CNIH3: variants seen among roughly 807,000 people sequenced by gnomAD.
CNIH3 encodes cornichon family AMPA receptor auxiliary protein 3, also known as protein cornichon homolog 3.
CNIH3 carries 14 observed loss-of-function variants against 24.1 expected under a neutral mutation model. The observed-to-expected ratio is 0.58, with a 90% CI of 0.38 to 0.91. The LOEUF (loss-of-function observed/expected upper bound fraction) is 0.91, where lower values mean the gene tolerates loss of function less well. Among genes scored for constraint, CNIH3 ranks in the 40% least tolerant of loss-of-function variants. The pLI, the probability that CNIH3 is intolerant of heterozygous loss-of-function variation, is 0.00. For synonymous variants in CNIH3, 68 were observed against 73.8 expected, an observed-to-expected ratio of 0.92 and a Z score of 0.40; for missense variants, 178 against 196.8, an observed-to-expected ratio of 0.90 and a Z score of 0.57.
intron 1 of CNIH3, among the ~76,000 whole-genome samples, chr1:224,635,988 A>G (rs150075851): frequency 6.6e-6 from 1 of 152,328 alleles, no homozygotes; most frequent in East Asian, 1.9e-4. Context: ...CACTGGGATT[A>G]CTGCGTGAAC....
At chr1:224,675,565 A>G (rs1446391627) in intron 1 of CNIH3, among the ~76,000 whole-genome samples, 1 of 152,278 alleles carries the variant, frequency 6.6e-6, no homozygotes, top group Non-Finnish European at 1.5e-5. Flanking sequence ...TTTGCAAATT[A>G]CATATTTGAC....
rs140387280 is a variant in CNIH3, at chr1:224,739,574, G to A, written c.*218G>A. On this transcript the variant is annotated 3_prime_UTR_variant, in exon 6 of 6. Transcript: ENST00000272133. ...CCCTGTTTGTCAATCTTTGGCATTC[G>A]AATTCCACACACGGGGTCCTAGAGC... 36 of 827,774 alleles carry A rather than the reference G, an allele frequency of 4.3e-5. No individual in the cohort carries two copies. The South Asian group carries it at 4.4e-4, about 10-fold the overall frequency. The allele number at this position is 827,774 out of a possible 1,614,324, so 51.3% of individuals were successfully genotyped here.
At chr1:224,645,194 T>A (rs941182873) in intron 1 of CNIH3, among the ~76,000 whole-genome samples, 1 of 152,206 alleles carries the variant, frequency 6.6e-6, no homozygotes, top group Non-Finnish European at 1.5e-5. Flanking sequence ...CCCTACCGTG[T>A]TTGATCAGTT....
At chr1:224,521,099 G>A (rs183847370) in exon 2 of CNIH3, 38 of 152,272 alleles carry the variant, frequency 2.5e-4, no homozygotes, top group Non-Finnish European at 2.9e-4. Flanking sequence ...AGGACAGCAA[G>A]TGGGCTGTCT....
At chr1:224,619,533 A>G (rs988505233) in intron 1 of CNIH3, among the ~76,000 whole-genome samples, 1 of 152,090 alleles carries the variant, frequency 6.6e-6, no homozygotes, top group African/African-American at 2.4e-5. Context: ...CCTCTCTCCA[A>G]ATCAAACAAC....
At chr1:224,566,821 A>G (rs974944790) in intron 4 of CNIH3, among the ~76,000 whole-genome samples, 1 of 152,228 alleles carries the variant, frequency 6.6e-6, no homozygotes, top group Non-Finnish European at 1.5e-5. Flanking sequence ...TAGTGGCACA[A>G]CAAACACACA....
intron 1 of CNIH3, among the ~76,000 whole-genome samples, chr1:224,477,378 CT>C (rs1181341013): frequency 6.6e-6 from 1 of 152,226 alleles, no homozygotes; most frequent in East Asian, 1.9e-4. Flanking sequence ...CAAACAAATT[CT>C]TTAGGAGATT....
chr1:224,528,293 C>T (rs761248024), intron 2 of CNIH3, among the ~76,000 whole-genome samples: 31 of 151,958 alleles, frequency 2.0e-4, no homozygotes, highest in Non-Finnish European at 1.5e-5. Flanking sequence ...TAACAAAATG[C>T]CTATTTTTTG....
At chr1:224,674,272 GTTTTTTTTTTTTTTTTTTTTTTTTT>G (rs71170028) in intron 1 of CNIH3, among the ~76,000 whole-genome samples, 6 of 72,082 alleles carry the variant, frequency 8.3e-5, no homozygotes, top group African/African-American at 3.2e-4. Flanking sequence ...TTCCAGGAAG[GTTTTTTTTTTTTTTTTTTTTTTTTT>G]TTTTTTTTTT....
chr1:224,538,545 G>A (rs897528026), downstream of CNIH3, among the ~76,000 whole-genome samples: 4 of 152,086 alleles, frequency 2.6e-5, no homozygotes, highest in African/African-American at 9.7e-5. Flanking sequence ...CAAACCCCAT[G>A]CCTCCCAGTA....
chr1:224,503,086 G>A (rs1677749355), intron 1 of CNIH3, among the ~76,000 whole-genome samples: 1 of 152,132 alleles, frequency 6.6e-6, no homozygotes, highest in South Asian at 2.1e-4. Flanking sequence ...GGAAACCTGG[G>A]AGACTTCTGC....
At chr1:224,536,514 C>A (rs1679293090) in intron 2 of CNIH3, among the ~76,000 whole-genome samples, 1 of 152,088 alleles carries the variant, frequency 6.6e-6, no homozygotes, top group Non-Finnish European at 1.5e-5. Flanking sequence ...TGGTCTCGAA[C>A]TCCCGACCTC....
At chr1:224,720,841 T>C (rs1478833706) in intron 3 of CNIH3, among the ~76,000 whole-genome samples, 1 of 152,162 alleles carries the variant, frequency 6.6e-6, no homozygotes, top group African/African-American at 2.4e-5. Context: ...ATAGCCCACG[T>C]GATGGAACGG....
chr1:224,479,144 C>CTTT (rs35188696), intron 1 of CNIH3, among the ~76,000 whole-genome samples: 31 of 53,688 alleles, frequency 5.8e-4, no homozygotes, highest in Non-Finnish European at 7.6e-4. Context: ...CCCCCAAAGT[C>CTTT]TTTTTTTTTT....
chr1:224,641,412 C>T (rs933296776), intron 1 of CNIH3, among the ~76,000 whole-genome samples: 1 of 152,224 alleles, frequency 6.6e-6, no homozygotes, highest in Non-Finnish European at 1.5e-5. Flanking sequence ...TTCACGGATG[C>T]CCTCTTCATC....
chr1:224,731,342 C>G (rs1344768175), intron 4 of CNIH3, among the ~76,000 whole-genome samples: 24 of 151,708 alleles, frequency 1.6e-4, no homozygotes, highest in Admixed American at 1.6e-3. Context: ...TTCATAGATT[C>G]TATTCCCTGC....
intron 1 of CNIH3, among the ~76,000 whole-genome samples, chr1:224,469,103 C>T (rs1476337665): frequency 6.6e-6 from 1 of 151,490 alleles, no homozygotes. Context: ...ATTTTTTAGA[C>T]AGGGTCTTGT....
chr1:224,711,791 T>C (rs1406371465), intron 3 of CNIH3, among the ~76,000 whole-genome samples: 1 of 64,586 alleles, frequency 1.5e-5, no homozygotes, highest in African/African-American at 6.6e-5. Flanking sequence ...CCAGACCCTG[T>C]CTCAAAAAAA....
At chr1:224,529,360 T>C (rs531638206) in intron 2 of CNIH3, 2 of 152,356 alleles carry the variant, frequency 1.3e-5, no homozygotes, top group East Asian at 3.9e-4. Flanking sequence ...GCAGGATATT[T>C]ATCAGCATCT....
Sources: allele counts gnomAD v4.1 joint callset (sites outside exome capture counted in the v4.1 genomes callset), GRCh38; gene constraint gnomAD v4.1.1; transcripts MANE v1.5; gene names NCBI Gene and HGNC (gene_info 2026-07-23, HGNC 2026-07-21).